PACRG: variants seen among roughly 807,000 people sequenced by gnomAD.
PACRG encodes parkin coregulated gene protein.
Under a neutral mutation model 29.7 loss-of-function variants are expected in PACRG, and 29 were observed. The ratio of observed to expected loss-of-function variants is 0.98; its 90% CI spans 0.73 to 1.33. The LOEUF (loss-of-function observed/expected upper bound fraction) is 1.33. PACRG is among the 40% of genes most tolerant of loss of function. PACRG has a pLI of 0.00. For missense variants in PACRG, 279 were observed against 316.2 expected (o/e 0.88, Z 0.89); for synonymous variants, 116 against 118.7 (o/e 0.98, Z 0.15).
intron 3 of PACRG, among the ~76,000 whole-genome samples, chr6:163,088,860 G>A (rs1813835420): frequency 6.6e-6 from 1 of 152,036 alleles, no homozygotes; most frequent in South Asian, 2.1e-4. Context: ...TTTAAGAATT[G>A]TATGGATTGT....
intron 2 of PACRG, among the ~76,000 whole-genome samples, chr6:162,978,248 A>G (rs1008857082): frequency 6.6e-6 from 1 of 152,240 alleles, no homozygotes; most frequent in Non-Finnish European, 1.5e-5. Context: ...GTATATTTCT[A>G]TAAGAAAATA....
intron 4 of PACRG, among the ~76,000 whole-genome samples, chr6:163,219,974 C>T (rs1459856898): frequency 6.6e-6 from 1 of 152,168 alleles, no homozygotes; most frequent in African/African-American, 2.4e-5. Flanking sequence ...TCTTACCTTG[C>T]TTTATTTTGC....
chr6:163,308,143 C>A (rs1785260396), intron 4 of PACRG, among the ~76,000 whole-genome samples: 2 of 152,028 alleles, frequency 1.3e-5, no homozygotes, highest in Non-Finnish European at 2.9e-5. Flanking sequence ...TTTCTTAATT[C>A]ATATTAAAAA....
intron 2 of PACRG, among the ~76,000 whole-genome samples, chr6:162,860,373 A>G (rs1791763761): frequency 6.6e-6 from 1 of 152,242 alleles, no homozygotes; most frequent in African/African-American, 2.4e-5. Context: ...TAAAAATGGT[A>G]CAGAAAAACG....
chr6:163,231,736 C>T (rs890160626), intron 4 of PACRG, among the ~76,000 whole-genome samples: 1 of 152,182 alleles, frequency 6.6e-6, no homozygotes, highest in African/African-American at 2.4e-5. Context: ...AGCCCCTTAT[C>T]CATGAGCTTG....
intron 3 of PACRG, among the ~76,000 whole-genome samples, chr6:163,069,629 A>C (rs1013229874): frequency 8.9e-6 from 1 of 112,256 alleles, no homozygotes; most frequent in Non-Finnish European, 1.6e-5. Context: ...AAGAAAAAAG[A>C]ATATAAAATA....
At chr6:163,120,345 A>T (rs1023034349) in intron 4 of PACRG, among the ~76,000 whole-genome samples, 1 of 152,166 alleles carries the variant, frequency 6.6e-6, no homozygotes, top group South Asian at 2.1e-4. Context: ...TGAATAAACT[A>T]AGTGGGCAAC....
intron 2 of PACRG, among the ~76,000 whole-genome samples, chr6:163,020,833 C>T (rs1047136955): frequency 2.6e-5 from 4 of 152,100 alleles, no homozygotes; most frequent in African/African-American, 9.7e-5. Flanking sequence ...GTAGCCTGCT[C>T]TTTATTGCCC....
At chr6:163,298,086 A>G (rs1484574531) in intron 4 of PACRG, among the ~76,000 whole-genome samples, 2 of 152,264 alleles carry the variant, frequency 1.3e-5, no homozygotes, top group South Asian at 2.1e-4. Flanking sequence ...GCATCGACCA[A>G]AAAGAAGTGA....
In PACRG at chr6:162,747,380, G is replaced by A. The variant is rs60211162; in HGVS notation, c.156+18989G>A. On this transcript the variant is annotated intron_variant, in intron 1 of 4. Transcript: ENST00000366888. ...TATATATATACACATACATATATAT[G>A]TATATATATGTATATATATATGTAT... Among the ~76,000 whole-genome samples the A allele has an allele frequency of 8.4e-3, 192 of 22,792 alleles. 4 individuals are homozygous for A. Among genetic ancestry groups the A allele is most frequent in the Non-Finnish European group, 9.9e-3 (134 of 13,562 alleles). 15.0% of individuals were successfully genotyped at this position (22,792 alleles called of 152,430 possible). A position where few individuals can be genotyped will look rare whatever the true frequency, so the allele number is the denominator to read the frequency against.
chr6:163,285,007 A>G (rs1784348557), intron 4 of PACRG, among the ~76,000 whole-genome samples: 1 of 152,116 alleles, frequency 6.6e-6, no homozygotes. Context: ...CTTCACACCC[A>G]TCAAATATTG....
At chr6:163,251,972 A>G (rs186949156) in intron 4 of PACRG, among the ~76,000 whole-genome samples, 97 of 152,312 alleles carry the variant, frequency 6.4e-4, no homozygotes, top group Non-Finnish European at 1.3e-3. Flanking sequence ...GTAATGGATG[A>G]AGGTTGAAGG....
At chr6:163,046,686 A>G (rs1016577679) in intron 2 of PACRG, 2 of 152,144 alleles carry the variant, frequency 1.3e-5, no homozygotes, top group Non-Finnish European at 1.5e-5. Context: ...TGATCATACT[A>G]AAATATGAAT....
intron 4 of PACRG, among the ~76,000 whole-genome samples, chr6:163,122,157 T>C (rs1483706659): frequency 6.6e-6 from 1 of 152,132 alleles, no homozygotes; most frequent in Non-Finnish European, 1.5e-5. Context: ...AAATTTCTAG[T>C]ATAAGTACAT....
intron 2 of PACRG, among the ~76,000 whole-genome samples, chr6:163,023,403 T>C: frequency 6.6e-6 from 1 of 152,230 alleles, no homozygotes; most frequent in East Asian, 1.9e-4. Context: ...AAGGACATGA[T>C]TTCATTCTTC....
chr6:163,113,394 C>T (rs1815815021), intron 4 of PACRG, among the ~76,000 whole-genome samples: 1 of 152,008 alleles, frequency 6.6e-6, no homozygotes, highest in African/African-American at 2.4e-5. Context: ...TGTAAACATC[C>T]AAGAAGTTCA....
chr6:163,265,278 G>A (rs1402605011), intron 4 of PACRG, among the ~76,000 whole-genome samples: 1 of 152,158 alleles, frequency 6.6e-6, no homozygotes, highest in African/African-American at 2.4e-5. Flanking sequence ...CATCACCTGT[G>A]TGCAGGCCCC....
At chr6:163,060,134 A>G (rs1461020587) in intron 2 of PACRG, among the ~76,000 whole-genome samples, 2 of 152,184 alleles carry the variant, frequency 1.3e-5, no homozygotes, top group African/African-American at 2.4e-5. Context: ...AAATAAGATG[A>G]CAGAAGTTAA....
At chr6:162,895,178 G>A (rs1336266147) in intron 2 of PACRG, among the ~76,000 whole-genome samples, 15 of 149,198 alleles carry the variant, frequency 1.0e-4, no homozygotes, top group Non-Finnish European at 1.8e-4. Flanking sequence ...GCTGAGAAGG[G>A]AAGATGGCTT....
Sources: gnomAD v4.1 joint callset for allele counts (sites outside exome capture counted in the v4.1 genomes callset) on GRCh38, gnomAD v4.1.1 for gene constraint, MANE v1.5 for transcripts, NCBI Gene and HGNC (gene_info 2026-07-23, HGNC 2026-07-21) for gene names.